CFAP299: variants seen among roughly 807,000 people sequenced by gnomAD.
The protein encoded by CFAP299 is cilia and flagella associated protein 299.
In CFAP299, 21 loss-of-function variants were observed where a neutral mutation model predicts 27.0. That is an observed-to-expected ratio of 0.78 (90% CI 0.55 to 1.12). The LOEUF (loss-of-function observed/expected upper bound fraction) is 1.12, where lower values mean the gene tolerates loss of function less well. Among genes scored for constraint, CFAP299 ranks in the 50% most tolerant of loss-of-function variants. The pLI is 0.00. For synonymous variants in CFAP299, 104 were observed against 98.1 expected, an observed-to-expected ratio of 1.06 and a Z score of -0.36; for missense variants, 310 against 276.6, an observed-to-expected ratio of 1.12 and a Z score of -0.86.
chr4:80,354,758 TA>T (rs1283067670), intron 1 of CFAP299, among the ~76,000 whole-genome samples: 1 of 152,184 alleles, frequency 6.6e-6, no homozygotes, highest in East Asian at 1.9e-4. Flanking sequence ...TACTTGTAAG[TA>T]ATAACATGTG....
chr4:80,697,902 T>C (rs1235091270), intron 3 of CFAP299, among the ~76,000 whole-genome samples: 1 of 152,204 alleles, frequency 6.6e-6, no homozygotes, highest in Non-Finnish European at 1.5e-5. Flanking sequence ...CATGTATTAA[T>C]TTTAATGCAT....
chr4:80,732,401 C>G (rs1723587722), intron 3 of CFAP299, among the ~76,000 whole-genome samples: 1 of 152,034 alleles, frequency 6.6e-6, no homozygotes, highest in South Asian at 2.1e-4. Flanking sequence ...TTTTTGACTG[C>G]AAACACAAAA....
At chr4:80,781,035 A>T (rs2110090915) in intron 3 of CFAP299, among the ~76,000 whole-genome samples, 1 of 152,056 alleles carries the variant, frequency 6.6e-6, no homozygotes, top group South Asian at 2.1e-4. Context: ...TTTAGATAAC[A>T]TTATTACACC....
rs146890917 is a variant in CFAP299 at position 80,499,669 on chromosome 4, A to G, written c.243-83424A>G. On this transcript the variant is annotated intron_variant, in intron 2 of 5. Transcript: ENST00000358105. ...AGGAAAAATTTAATTCATTTTCAGT[A>G]TTTTTTGTTTCTATTAATTTTAGAT... Among the ~76,000 whole-genome samples the G allele has an allele frequency of 1.4e-4, 22 of 152,102 alleles. No homozygotes were observed. In the East Asian group the frequency reaches 4.2e-3, roughly 29 times the overall value.
chr4:80,416,731 C>T (rs183990243), intron 2 of CFAP299, among the ~76,000 whole-genome samples: 1 of 152,250 alleles, frequency 6.6e-6, no homozygotes, highest in East Asian at 1.9e-4. Context: ...TTATAATAAT[C>T]TCCCTGCATA....
chr4:80,604,334 T>TA (rs71596777), intron 3 of CFAP299, among the ~76,000 whole-genome samples: 47 of 151,200 alleles, frequency 3.1e-4, no homozygotes, highest in East Asian at 3.9e-4. Flanking sequence ...TGCCTAATGA[T>TA]AAAAAAAAAG....
chr4:80,391,407 C>T (rs986725894), intron 2 of CFAP299, among the ~76,000 whole-genome samples: 1 of 152,084 alleles, frequency 6.6e-6, no homozygotes, highest in African/African-American at 2.4e-5. Flanking sequence ...TGATAATCGC[C>T]ATTCTAACAG....
intron 1 of CFAP299, among the ~76,000 whole-genome samples, chr4:80,338,428 A>T (rs1021833985): frequency 6.6e-6 from 1 of 152,172 alleles, no homozygotes; most frequent in African/African-American, 2.4e-5. Context: ...TGTAAATTAG[A>T]GGTAGCATGT....
intron 2 of CFAP299, among the ~76,000 whole-genome samples, chr4:80,414,487 G>T (rs1434036821): frequency 6.6e-6 from 1 of 152,152 alleles, no homozygotes; most frequent in Non-Finnish European, 1.5e-5. Flanking sequence ...AACATCAAAG[G>T]ATTTGTACTA....
rs147364445 is a variant in CFAP299 at position 80,836,687 on chromosome 4, A to G, written c.334-33306A>G. The stretch of plus-strand genomic sequence containing the variant: ...TTTAAGCACATTTTCAGAATCCCTT[A>G]TGTCAAGGAAAGTGACATATTTAGA... On this transcript the variant is annotated intron_variant, in intron 3 of 5. Transcript: ENST00000358105. Among the ~76,000 whole-genome samples, 551 of 152,264 alleles carry G rather than the reference A, an allele frequency of 3.6e-3. 3 individuals carry two copies. Among genetic ancestry groups the G allele is most frequent in the African/African-American group, 0.013 (536 of 41,560 alleles).
At chr4:80,764,917 A>G (rs1725769910) in intron 3 of CFAP299, among the ~76,000 whole-genome samples, 1 of 152,120 alleles carries the variant, frequency 6.6e-6, no homozygotes, top group African/African-American at 2.4e-5. Flanking sequence ...GAAGGGGAAC[A>G]ACACACACTA....
At chr4:80,853,435 T>G (rs751709301) in intron 3 of CFAP299, among the ~76,000 whole-genome samples, 15 of 152,196 alleles carry the variant, frequency 9.9e-5, no homozygotes, top group Admixed American at 2.0e-4. Context: ...GCACCTGGAA[T>G]GTATATGCTA....
At chr4:80,497,884 C>T (rs1731539531) in intron 2 of CFAP299, among the ~76,000 whole-genome samples, 1 of 152,112 alleles carries the variant, frequency 6.6e-6, no homozygotes, top group African/African-American at 2.4e-5. Context: ...GTAACCAAAA[C>T]AGTATGGTAC....
At chr4:80,829,096 A>C (rs1730153596) in intron 3 of CFAP299, among the ~76,000 whole-genome samples, 1 of 152,070 alleles carries the variant, frequency 6.6e-6, no homozygotes, top group African/African-American at 2.4e-5. Flanking sequence ...ACGAACATTA[A>C]AAACTTTTGT....
chr4:80,352,758 G>A (rs892556464), intron 1 of CFAP299, among the ~76,000 whole-genome samples: 2 of 151,534 alleles, frequency 1.3e-5, no homozygotes, highest in African/African-American at 4.9e-5. Context: ...TCAACTATAG[G>A]AATATACCCC....
chr4:80,535,604 A>G (rs1296388332), intron 2 of CFAP299, among the ~76,000 whole-genome samples: 1 of 151,156 alleles, frequency 6.6e-6, no homozygotes, highest in Non-Finnish European at 1.5e-5. Flanking sequence ...CGTTTAGTGG[A>G]GAGAAGACAT....
chr4:80,728,053 GT>G (rs1723258933), intron 3 of CFAP299, among the ~76,000 whole-genome samples: 1 of 151,890 alleles, frequency 6.6e-6, no homozygotes, highest in Non-Finnish European at 1.5e-5. Flanking sequence ...AGATGTCAGG[GT>G]TTTTCCTCTG....
chr4:80,535,452 G>A (rs923288001), intron 2 of CFAP299, among the ~76,000 whole-genome samples: 2 of 57,682 alleles, frequency 3.5e-5, no homozygotes, highest in Non-Finnish European at 5.2e-5. Context: ...CCGAGATCCC[G>A]CCACTGCACT....
chr4:80,607,694 C>T (rs984605355), intron 3 of CFAP299, among the ~76,000 whole-genome samples: 6 of 152,116 alleles, frequency 3.9e-5, no homozygotes, highest in Admixed American at 6.6e-5. Context: ...CGACAGTGAT[C>T]GCTCAGCTTC....
Sources: gnomAD v4.1 joint callset for allele counts (sites outside exome capture counted in the v4.1 genomes callset) on GRCh38, gnomAD v4.1.1 for gene constraint, MANE v1.5 for transcripts, NCBI Gene and HGNC (gene_info 2026-07-23, HGNC 2026-07-21) for gene names.